Variants in TCF12 observed in about 807,000 individuals in gnomAD.
TCF12 encodes the protein transcription factor 12, also known as DNA-binding protein HTF4.
Under a neutral mutation model 86.0 loss-of-function variants are expected in TCF12, and 45 were observed. The observed-to-expected ratio is 0.52, with a 90% CI of 0.41 to 0.67. The LOEUF (loss-of-function observed/expected upper bound fraction) is 0.67. Among genes scored for constraint, TCF12 ranks in the 30% least tolerant of loss-of-function variants. TCF12 has a pLI of 0.00. For synonymous variants in TCF12, 330 were observed against 299.6 expected, an observed-to-expected ratio of 1.10 and a Z score of -1.05; for missense variants, 881 against 859.9, an observed-to-expected ratio of 1.02 and a Z score of -0.31.
chr15:56,931,507 C>A (rs1169879082), intron 3 of TCF12, among the ~76,000 whole-genome samples: 1 of 152,084 alleles, frequency 6.6e-6, no homozygotes, highest in Non-Finnish European at 1.5e-5. Flanking sequence ...TTACTGAGAG[C>A]AAACAGTTAA....
chr15:57,072,615 C>T (rs929205623), intron 4 of TCF12: 3 of 1,264,318 alleles, frequency 2.4e-6, no homozygotes, highest in Non-Finnish European at 1.0e-6. Flanking sequence ...AAAGGACACA[C>T]GAATTTTGAA....
chr15:57,091,119 A>G (rs530947483), intron 4 of TCF12, among the ~76,000 whole-genome samples: 3 of 152,292 alleles, frequency 2.0e-5, no homozygotes, highest in Non-Finnish European at 2.9e-5. Flanking sequence ...TAAATCAGCT[A>G]TGTTTAATAA....
intron 8 of TCF12, among the ~76,000 whole-genome samples, chr15:57,227,772 A>G (rs761922968): frequency 1.3e-5 from 2 of 152,124 alleles, no homozygotes; most frequent in Admixed American, 6.5e-5. Context: ...CATGGTAGCT[A>G]CTGTGAGCTT....
chr15:57,147,606 G>A (rs1186389950), intron 5 of TCF12, among the ~76,000 whole-genome samples: 1 of 152,018 alleles, frequency 6.6e-6, no homozygotes, highest in Non-Finnish European at 1.5e-5. Flanking sequence ...ACCTATAAAG[G>A]TGCAGTTAAA....
At chr15:56,959,828 T>C (rs952464317) in intron 3 of TCF12, among the ~76,000 whole-genome samples, 1 of 152,182 alleles carries the variant, frequency 6.6e-6, no homozygotes, top group African/African-American at 2.4e-5. Context: ...TTGGTAATGG[T>C]ACAAGCAAAA....
intron 5 of TCF12, among the ~76,000 whole-genome samples, chr15:57,124,305 C>T (rs1260449009): frequency 6.6e-6 from 1 of 152,092 alleles, no homozygotes; most frequent in Admixed American, 6.5e-5. Context: ...TTGATTTCAG[C>T]AAAACATTGA....
chr15:57,244,638 T>C (rs1182321263), intron 13 of TCF12, among the ~76,000 whole-genome samples: 1 of 152,152 alleles, frequency 6.6e-6, no homozygotes, highest in Non-Finnish European at 1.5e-5. Context: ...TTTTGTATTT[T>C]TTTGTAGAGA....
At chr15:57,096,728 A>G (rs892578922) in intron 5 of TCF12, among the ~76,000 whole-genome samples, 1 of 152,140 alleles carries the variant, frequency 6.6e-6, no homozygotes, top group African/African-American at 2.4e-5. Context: ...TTTTTCCCCT[A>G]AATATTTTCA....
Position 57,273,034 on chromosome 15 carries a change from A to G in TCF12, c.1750A>G (p.Thr584Ala). ...KVSSRGRTSS[T>A]NEDEDLNPEQ... is the part of the protein sequence containing the mutation. ...TGTTGTTACTTTATTTTCTAGCAGT[A>G]CTAATGAAGATGAGGATTTGAACCC... is the stretch of plus-strand genomic sequence containing the variant. The change falls in exon 19 of 21, where the codon ACT becomes GCT. Residue 584 changes from threonine (T) to alanine (A), a missense_variant. By Grantham distance (58) the Thr-to-Ala change is moderately conservative. Transcript: ENST00000333725. 1.9e-6 allele frequency: 3 copies of G among 1,614,036 alleles called. No homozygotes were observed. The highest frequency in any genetic ancestry group is 1.3e-5 in the African/African-American group (1 of 75,068).
At chr15:56,944,358 A>G (rs541185329) in intron 3 of TCF12, among the ~76,000 whole-genome samples, 2 of 152,304 alleles carry the variant, frequency 1.3e-5, no homozygotes, top group Admixed American at 1.3e-4. Flanking sequence ...ATGGGTTGTC[A>G]GTTTTATTTT....
At position 57,289,816 on chromosome 15, in the gene TCF12, A is replaced by G. The variant is rs1204293109; in HGVS notation, c.*3671A>G. 1 of 152,164 alleles carries G rather than the reference A, an allele frequency of 6.6e-6. No individual in the cohort carries two copies. Among genetic ancestry groups the G allele is most frequent in the Non-Finnish European group, 1.5e-5 (1 of 68,034 alleles). The allele number at this position is 152,164 out of a possible 1,614,324, so 9.4% of individuals were successfully genotyped here. A position where few individuals can be genotyped will look rare whatever the true frequency, so the allele number is the denominator to read the frequency against. ...CTTGTCACCTAAGAAGTACTTAATA[A>G]ATGATAAATATTTTTAAATAAATAA... On this transcript the variant is annotated 3_prime_UTR_variant, in exon 21 of 21. Transcript: ENST00000333725.
intron 3 of TCF12, among the ~76,000 whole-genome samples, chr15:56,982,738 A>C (rs1177208516): frequency 6.6e-6 from 1 of 152,212 alleles, no homozygotes; most frequent in East Asian, 1.9e-4. Flanking sequence ...AGTGATTTAA[A>C]TTGGTTTAAT....
At chr15:56,952,799 G>A (rs2061341260) in intron 3 of TCF12, among the ~76,000 whole-genome samples, 1 of 152,128 alleles carries the variant, frequency 6.6e-6, no homozygotes, top group African/African-American at 2.4e-5. Context: ...AAATGGTCAT[G>A]TAGTCTGTGA....
chr15:57,228,811 A>G (rs191756067), intron 8 of TCF12, among the ~76,000 whole-genome samples: 27 of 152,158 alleles, frequency 1.8e-4, no homozygotes, highest in Admixed American at 3.3e-4. Context: ...ATATAAATTG[A>G]TAAATTATGT....
chr15:57,253,403 A>G lies in TCF12; in HGVS notation c.1402A>G (p.Ile468Val), dbSNP rs374032363. 3.5e-5 allele frequency: 57 copies of G among 1,614,010 alleles called. No individual in the cohort carries two copies. Among genetic ancestry groups the G allele is most frequent in the Admixed American group, 6.7e-5 (4 of 59,996 alleles). Residue 468 changes from isoleucine (I) to valine (V), a missense_variant, in exon 16 of 21, where the codon ATT becomes GTT. By Grantham distance (29) the Ile-to-Val change is conservative. This residue lies in a region of TCF12 where 766 missense variants were observed against 718.9 expected (regional missense o/e 1.07). Coordinates refer to ENST00000333725, the MANE Select transcript of TCF12 (RefSeq NM_207037.2). ...ATTGGGACCATCCCATAATGCACCA[A>G]TTGGAAGCCTCAATTCAAACTATGG... The part of the protein sequence containing the change: ...SLLGPSHNAP[I>V]GSLNSNYGGS...
chr15:57,148,071 A>C (rs1478366097), intron 5 of TCF12, among the ~76,000 whole-genome samples: 1 of 151,652 alleles, frequency 6.6e-6, no homozygotes, highest in Non-Finnish European at 1.5e-5. Context: ...ATTTGTAGAG[A>C]CACGATCGCA....
intron 3 of TCF12, among the ~76,000 whole-genome samples, chr15:57,017,445 G>A (rs1567260445): frequency 6.6e-6 from 1 of 152,144 alleles, no homozygotes; most frequent in Admixed American, 6.5e-5. Flanking sequence ...CATTGCTTTT[G>A]CACTACAAGG....
At chr15:57,126,693 T>C (rs1250175603) in intron 5 of TCF12, among the ~76,000 whole-genome samples, 1 of 152,208 alleles carries the variant, frequency 6.6e-6, no homozygotes, top group Admixed American at 6.5e-5. Context: ...CTACCAATCT[T>C]GCTTTATTAT....
intron 19 of TCF12, among the ~76,000 whole-genome samples, chr15:57,281,264 A>T (rs944805450): frequency 4.6e-5 from 7 of 152,148 alleles, no homozygotes; most frequent in Non-Finnish European, 8.8e-5. Context: ...CACAGATCCC[A>T]CGCAGTCTTG....
Sources: allele counts gnomAD v4.1 joint callset (sites outside exome capture counted in the v4.1 genomes callset), GRCh38; gene constraint gnomAD v4.1.1; regional missense constraint gnomAD v4.1.1; transcripts MANE v1.5; gene names NCBI Gene and HGNC (gene_info 2026-07-23, HGNC 2026-07-21).